Variants in MIDEAS observed in about 807,000 individuals in gnomAD.
MIDEAS encodes mitotic deacetylase-associated SANT domain protein.
Under a neutral mutation model 102.7 loss-of-function variants are expected in MIDEAS, and 26 were observed. The ratio of observed to expected loss-of-function variants is 0.25; its 90% CI spans 0.19 to 0.35. MIDEAS has a LOEUF of 0.35. Ranked by LOEUF, MIDEAS falls within the 10% of genes least tolerant of loss-of-function variation. The probability of loss-of-function intolerance (pLI) is 1.00; values close to 1 mark genes in which losing one functional copy is unlikely to be tolerated. For missense variants in MIDEAS, 1,231 were observed against 1,435.6 expected (o/e 0.86, Z 2.30); for synonymous variants, 585 against 591.0 (o/e 0.99, Z 0.15).
chr14:73,778,618 A>G (rs1247539887), intron 1 of MIDEAS, among the ~76,000 whole-genome samples: 1 of 151,906 alleles, frequency 6.6e-6, no homozygotes, highest in African/African-American at 2.4e-5. Flanking sequence ...AAGCAGACAC[A>G]TCTTGCTGGT....
At chr14:73,752,437 G>A (rs1489198090) in intron 1 of MIDEAS, among the ~76,000 whole-genome samples, 2 of 152,198 alleles carry the variant, frequency 1.3e-5, no homozygotes, top group South Asian at 2.1e-4. Flanking sequence ...AGGCTCTCCT[G>A]ACTGGTCAGG....
chr14:73,781,189 T>C (rs1300581121), intron 1 of MIDEAS, among the ~76,000 whole-genome samples: 1 of 152,184 alleles, frequency 6.6e-6, no homozygotes, highest in Non-Finnish European at 1.5e-5. Context: ...AAATGAGAGT[T>C]AGCACAGGTT....
In MIDEAS at chr14:73,737,041, C is replaced by A. The variant is rs866633106; in HGVS notation, c.1706G>T (p.Arg569Leu). Residue 569 changes from arginine to leucine, a missense_variant, in exon 3 of 13, where the codon CGC becomes CTC. This residue lies in a region of MIDEAS where 758 missense variants were observed against 856.0 expected (regional missense o/e 0.89). Coordinates refer to ENST00000423556, the MANE Select transcript of MIDEAS (RefSeq NM_001367710.1). ...CCCGGGGATTCGGGTGGACCGCCTGCGGGTGACGATGACTGATGGCTTGTG... is the reference window on the plus strand; with the variant it reads ...CCCGGGGATTCGGGTGGACCGCCTGAGGGTGACGATGACTGATGGCTTGTG... ...AEHKPSVIVT[R>L]RRSTRIPGTD... 1 of 1,613,808 alleles carries A rather than the reference C, an allele frequency of 6.2e-7. No individual in the cohort carries two copies. Among genetic ancestry groups the A allele is most frequent in the African/African-American group, 1.3e-5 (1 of 74,902 alleles).
upstream of MIDEAS, among the ~76,000 whole-genome samples, chr14:73,763,770 GA>G (rs1161964713): frequency 6.6e-6 from 1 of 151,462 alleles, no homozygotes; most frequent in South Asian, 2.1e-4. Context: ...AATTACAACA[GA>G]AAAAAAAGAA....
chr14:73,727,267 C>T (rs918059536), intron 5 of MIDEAS, 191 bp downstream of exon 5: 5 of 669,390 alleles, frequency 7.5e-6, no homozygotes, highest in African/African-American at 7.3e-5. Flanking sequence ...GGTCCTTGCC[C>T]TTCCCTGCAA....
chr14:73,738,692 T>C lies in MIDEAS; in HGVS notation c.1317A>G (p.Thr439=). ...CCCGTAGCACCTGCCCACAGTCCCC[T>C]GTGCTCACTGCCCTCATGCCCTCCT... ...GSEEGMRAVS[T]GDCGQVLRGG... The change falls in exon 2 of 13, where the codon ACA becomes ACG. Residue 439 remains threonine (T), a synonymous_variant. Coordinates refer to ENST00000423556, the MANE Select transcript of MIDEAS (RefSeq NM_001367710.1). 7 of 1,613,792 alleles carry C rather than the reference T, an allele frequency of 4.3e-6. No individual in the cohort carries two copies. The highest frequency in any genetic ancestry group is 5.9e-6 in the Non-Finnish European group (7 of 1,179,898).
intron 9 of MIDEAS, chr14:73,723,982 A>C (rs1178791482): frequency 2.6e-5 from 4 of 152,336 alleles, no homozygotes; most frequent in African/African-American, 9.6e-5. Flanking sequence ...AGGAAGCGAA[A>C]GGCCTAAGTC....
chr14:73,771,788 T>A (rs753660892), intron 1 of MIDEAS, among the ~76,000 whole-genome samples: 1 of 152,174 alleles, frequency 6.6e-6, no homozygotes, highest in Non-Finnish European at 1.5e-5. Flanking sequence ...ATTCAACACT[T>A]CAATTAATAT....
Position 73,727,411 on chromosome 14 carries a change from C to G in MIDEAS, c.2162+47G>C. 3 of 1,596,146 alleles carry G rather than the reference C, an allele frequency of 1.9e-6. No homozygotes were observed. The South Asian group carries it at 3.3e-5, about 18-fold the overall frequency. On this transcript the variant is annotated intron_variant, in intron 5 of 12. Transcript: ENST00000423556. ...CAGGGCCCACCTGCACACACTGCAC[C>G]AGTGTGGCCACCCACACCCCTCGGC...
intron 1 of MIDEAS, among the ~76,000 whole-genome samples, chr14:73,755,645 AC>A (rs1566601264): frequency 6.6e-6 from 1 of 152,072 alleles, no homozygotes; most frequent in Non-Finnish European, 1.5e-5. Flanking sequence ...TGGGCCCTCA[AC>A]CCTCGGCTGC....
At chr14:73,788,743 G>A (rs2053841920), upstream of MIDEAS, among the ~76,000 whole-genome samples, 1 of 152,170 alleles carries the variant, frequency 6.6e-6, no homozygotes. Flanking sequence ...TGAAGGGATT[G>A]CCCATTTCAA....
chr14:73,722,698 C>A lies in MIDEAS; in HGVS notation c.2724G>T (p.Lys908Asn). The A allele has an allele frequency of 6.2e-7, 1 of 1,613,780 alleles. No individual in the cohort carries two copies. Among genetic ancestry groups the A allele is most frequent in the Non-Finnish European group, 8.5e-7 (1 of 1,179,768 alleles). ...SAQEEVEVDI[K>N]TSQKFPRVPL... ...CAGCTGAGGTTGGAAAAGGAGTCAC[C>A]TTAATATCCACTTCAACCTCTTCCT... The change falls in exon 10 of 13, where the codon AAG becomes AAT. Residue 908 changes from lysine to asparagine, a missense_variant and splice_region_variant. Transcript: ENST00000423556.
intron 4 of MIDEAS, 137 bp downstream of exon 4, chr14:73,729,503 A>G (rs1455357526): frequency 1.4e-6 from 1 of 714,260 alleles, no homozygotes; most frequent in Non-Finnish European, 2.2e-6. Flanking sequence ...CTCCTTCTCA[A>G]TCTCAGAGAA....
At chr14:73,722,433 T>G (rs1000287421) in intron 10 of MIDEAS, 27 of 298,240 alleles carry the variant, frequency 9.1e-5, no homozygotes, top group Middle Eastern at 9.9e-4. Context: ...GTTAGAGGTC[T>G]GCTAAGCGGA....
Position 73,733,197 on chromosome 14 carries a change from TACTC to T in MIDEAS, c.1750-3216_1750-3213del, listed in dbSNP as rs139765475. Among the ~76,000 whole-genome samples the T allele has an allele frequency of 8.4e-3, 1,277 of 152,342 alleles. 20 individuals are homozygous for T. Among genetic ancestry groups the T allele is most frequent in the African/African-American group, 0.029 (1,201 of 41,580 alleles). Reference sequence around the variant, plus strand: ...GGATTGGGACTCCAAAAAGGGCTGATACTCACTTTCATTCAGAATAAAGGTGAAT... The same window carrying T: ...GGATTGGGACTCCAAAAAGGGCTGATACTTTCATTCAGAATAAAGGTGAAT... On this transcript the variant is annotated intron_variant, in intron 3 of 12. Coordinates refer to ENST00000423556, the MANE Select transcript of MIDEAS (RefSeq NM_001367710.1).
At position 73,759,577 on chromosome 14, in the gene MIDEAS, G is replaced by T. The variant is rs117370133; in HGVS notation, c.-248+186C>A. ...AGGCGGCCCCCGCACGGCCACACGCGCCCGCTCCACCGCCGCCCAGGCCGC... is the reference window on the plus strand; with the variant it reads ...AGGCGGCCCCCGCACGGCCACACGCTCCCGCTCCACCGCCGCCCAGGCCGC... On this transcript the variant is annotated intron_variant, in intron 1 of 12. Transcript: ENST00000423556. The surrounding 1 kb of genome is among the most constrained non-coding windows in gnomAD (Gnocchi z 6.7). Among the ~76,000 whole-genome samples the T allele has an allele frequency of 0.17, 25,174 of 148,686 alleles. 3,093 individuals are homozygous for T. Among genetic ancestry groups the T allele is most frequent in the East Asian group, 0.71 (3,603 of 5,084 alleles).
In MIDEAS at chr14:73,721,360, C is replaced by A; in HGVS notation, c.2874G>T (p.Gly958=). The part of the protein sequence containing the change: ...EIQEKEEQEE[G]RERSRRAAAV... ...CCGCTGCCCGCCTGCTGCGCTCTCG[C>A]CCCTCTTCCTGCTCCTCCTTCTCTT... Residue 958 remains glycine, a synonymous_variant, in exon 11 of 13, where the codon GGG becomes GGT. Coordinates refer to ENST00000423556, the MANE Select transcript of MIDEAS (RefSeq NM_001367710.1). The A allele has an allele frequency of 6.2e-7, 1 of 1,614,118 alleles. No individual in the cohort carries two copies. Among genetic ancestry groups the A allele is most frequent in the Non-Finnish European group, 8.5e-7 (1 of 1,180,032 alleles).
At chr14:73,719,795 ACCT>A (rs2052959820) in intron 11 of MIDEAS, among the ~76,000 whole-genome samples, 7 of 69,072 alleles carry the variant, frequency 1.0e-4, no homozygotes, top group Admixed American at 8.9e-4. Flanking sequence ...TTAATGAAGC[ACCT>A]ACCTGTTGAT....
rs201980057 is a variant in MIDEAS, at chr14:73,726,919, C to T, written c.2216G>A (p.Arg739His). 4.0e-5 allele frequency: 65 copies of T among 1,613,660 alleles called. No individual in the cohort carries two copies. Among genetic ancestry groups the T allele is most frequent in the Non-Finnish European group, 5.1e-5 (60 of 1,179,754 alleles). Residue 739 changes from arginine to histidine, a missense_variant, in exon 6 of 13, where the codon CGT becomes CAT. Transcript: ENST00000423556. ...FQAEIPLMRDRALAAADPHKA... is the reference protein window; with the variant it reads ...FQAEIPLMRDHALAAADPHKA... ...GTGGGGATCTGCAGCTGCCAGGGCA[C>T]GGTCCCTCATCAAGGGGATTTCTGC...
Sources: allele counts gnomAD v4.1 joint callset (sites outside exome capture counted in the v4.1 genomes callset), GRCh38; gene constraint gnomAD v4.1.1; regional missense constraint gnomAD v4.1.1; non-coding constraint Gnocchi (gnomAD v3.1); transcripts MANE v1.5; gene names NCBI Gene and HGNC (gene_info 2026-07-23, HGNC 2026-07-21).